RALYL: variants seen among roughly 807,000 people sequenced by gnomAD.
RALYL encodes the protein RNA-binding Raly-like protein.
Under a neutral mutation model 35.1 loss-of-function variants are expected in RALYL, and 29 were observed. That is an observed-to-expected ratio of 0.83 (90% CI 0.61 to 1.13). The LOEUF (loss-of-function observed/expected upper bound fraction) is 1.13, where lower values mean the gene tolerates loss of function less well. RALYL is among the 50% of genes most tolerant of loss of function. The pLI is 0.00. For synonymous variants in RALYL, 120 were observed against 127.6 expected (o/e 0.94, Z 0.40); for missense variants, 359 against 360.4 (o/e 1.00, Z 0.03).
At chr8:84,718,780 G>A (rs1843359140) in intron 2 of RALYL, among the ~76,000 whole-genome samples, 1 of 151,692 alleles carries the variant, frequency 6.6e-6, no homozygotes, top group Admixed American at 6.6e-5. Context: ...AAAAGAAAAA[G>A]AAAGAAAAGA....
At chr8:84,253,459 C>CA (rs776180070) in intron 1 of RALYL, among the ~76,000 whole-genome samples, 2 of 151,436 alleles carry the variant, frequency 1.3e-5, no homozygotes, top group Non-Finnish European at 2.9e-5. Context: ...CTCAGCCTCT[C>CA]AAAGTGCTAG....
At chr8:84,879,247 G>C (rs770516380) in intron 7 of RALYL, among the ~76,000 whole-genome samples, 3 of 152,118 alleles carry the variant, frequency 2.0e-5, no homozygotes, top group Non-Finnish European at 4.4e-5. Flanking sequence ...GGGTGGGAAA[G>C]AGGATTGGTT....
rs185925327 is a variant in RALYL, at chr8:84,425,614, A to T, written c.-23-103685A>T. Among the ~76,000 whole-genome samples, 330 of 152,224 alleles carry T rather than the reference A, an allele frequency of 2.2e-3. 1 individual carries two copies. Among genetic ancestry groups the T allele is most frequent in the African/African-American group, 7.7e-3 (318 of 41,534 alleles). ...TGAACTCTTATACAGCCACTTGTCC[A>T]ATTTTCCAAAACAGCAATTCTAAAC... On this transcript the variant is annotated intron_variant, in intron 1 of 8. Transcript: ENST00000521268.
intron 2 of RALYL, among the ~76,000 whole-genome samples, chr8:84,682,756 G>C (rs551537725): frequency 6.6e-6 from 1 of 151,346 alleles, no homozygotes; most frequent in Non-Finnish European, 1.5e-5. Context: ...TCTTGCTAGC[G>C]GTCTATCAAT....
chr8:84,433,814 CGTGTGTGTGTGTGTGTGTAT>C (rs1264365089), intron 1 of RALYL, among the ~76,000 whole-genome samples: 4 of 62,624 alleles, frequency 6.4e-5, no homozygotes, highest in Admixed American at 5.5e-4. Flanking sequence ...TGTATGTGTG[CGTGTGTGTGTGTGTGTGTAT>C]GTGTGTGTGT....
chr8:84,367,943 G>C lies in RALYL; in HGVS notation c.-23-161356G>C, dbSNP rs1230158600. On this transcript the variant is annotated intron_variant, in intron 1 of 8. Transcript: ENST00000521268. Reference sequence around the variant, plus strand: ...CACTTATTCTCTGAGCTTAAAAAAAGTCACCTTTTCCTTCCTTTTTAAATT... The same window carrying C: ...CACTTATTCTCTGAGCTTAAAAAAACTCACCTTTTCCTTCCTTTTTAAATT... Among the ~76,000 whole-genome samples, 5 of 152,212 alleles carry C rather than the reference G, an allele frequency of 3.3e-5. No individual in the cohort carries two copies. The East Asian group carries it at 9.7e-4, about 29-fold the overall frequency.
At chr8:84,476,354 C>T (rs1481484509) in intron 1 of RALYL, among the ~76,000 whole-genome samples, 5 of 152,150 alleles carry the variant, frequency 3.3e-5, no homozygotes, top group Non-Finnish European at 5.9e-5. Context: ...TCTTTTCAAG[C>T]TTCCACTCCC....
At chr8:84,703,523 G>A (rs2132347414) in intron 2 of RALYL, among the ~76,000 whole-genome samples, 1 of 152,254 alleles carries the variant, frequency 6.6e-6, no homozygotes, top group Middle Eastern at 3.4e-3. Flanking sequence ...ACATATGAAT[G>A]AAGTGAATTG....
intron 3 of RALYL, among the ~76,000 whole-genome samples, chr8:84,780,082 A>C (rs1385202097): frequency 1.3e-5 from 2 of 152,200 alleles, no homozygotes; most frequent in Non-Finnish European, 2.9e-5. Context: ...GATAACACAC[A>C]TTCCCTTTCA....
chr8:84,196,377 A>T (rs1050642535), intron 1 of RALYL, among the ~76,000 whole-genome samples: 1 of 152,218 alleles, frequency 6.6e-6, no homozygotes, highest in Admixed American at 6.5e-5. Context: ...GATGCAAGTC[A>T]TGCAAGCCAG....
intron 2 of RALYL, among the ~76,000 whole-genome samples, chr8:84,747,768 A>G (rs1329971463): frequency 6.6e-6 from 1 of 152,004 alleles, no homozygotes; most frequent in Admixed American, 6.6e-5. Flanking sequence ...AAGGTTTTAC[A>G]CATACTTAGG....
chr8:84,625,529 C>G (rs187158802), intron 2 of RALYL, among the ~76,000 whole-genome samples: 1 of 152,132 alleles, frequency 6.6e-6, no homozygotes, highest in Non-Finnish European at 1.5e-5. Flanking sequence ...GCTTTAAATT[C>G]TGATTAGCAT....
chr8:84,498,879 A>T (rs1243565209), intron 1 of RALYL, among the ~76,000 whole-genome samples: 3 of 152,146 alleles, frequency 2.0e-5, no homozygotes, highest in Non-Finnish European at 4.4e-5. Flanking sequence ...GAATTAAAAA[A>T]AATCCAGCAT....
intron 1 of RALYL, among the ~76,000 whole-genome samples, chr8:84,308,386 T>G (rs1842207643): frequency 6.6e-6 from 1 of 152,104 alleles, no homozygotes; most frequent in Non-Finnish European, 1.5e-5. Flanking sequence ...TTTAAAACAG[T>G]CTCAACTCCC....
At chr8:84,806,560 C>T (rs1824648762) in intron 4 of RALYL, among the ~76,000 whole-genome samples, 1 of 147,578 alleles carries the variant, frequency 6.8e-6, no homozygotes. Flanking sequence ...CTGAGAAAAT[C>T]TCTCCAAAAA....
intron 8 of RALYL, among the ~76,000 whole-genome samples, chr8:84,893,506 C>G (rs187840460): frequency 6.6e-6 from 1 of 152,216 alleles, no homozygotes; most frequent in Non-Finnish European, 1.5e-5. Flanking sequence ...AGTGCTAATT[C>G]AAAAAAGCAA....
At chr8:84,823,187 T>A (rs1021110361) in intron 4 of RALYL, among the ~76,000 whole-genome samples, 6 of 152,164 alleles carry the variant, frequency 3.9e-5, no homozygotes, top group African/African-American at 7.2e-5. Context: ...GGAAATATTT[T>A]AAATAAAAAA....
intron 2 of RALYL, among the ~76,000 whole-genome samples, chr8:84,540,147 T>C (rs2059926873): frequency 6.6e-6 from 1 of 151,794 alleles, no homozygotes; most frequent in Admixed American, 6.6e-5. Context: ...TGTACAACAA[T>C]GTCTCTTGCA....
At chr8:84,894,721 C>T (rs113737495) in intron 8 of RALYL, among the ~76,000 whole-genome samples, 3,603 of 152,286 alleles carry the variant, frequency 0.024, 148 homozygotes, top group African/African-American at 0.082. Flanking sequence ...TGGAATCCCT[C>T]CTCTTCAAGA....
Sources: gnomAD v4.1 joint callset for allele counts (sites outside exome capture counted in the v4.1 genomes callset) on GRCh38, gnomAD v4.1.1 for gene constraint, MANE v1.5 for transcripts, NCBI Gene and HGNC (gene_info 2026-07-23, HGNC 2026-07-21) for gene names.